The following RNF111 variants were observed in gnomAD, a reference collection of about 807,000 sequenced individuals.
RNF111 encodes the protein ring finger protein 111.
A neutral mutation model predicts 95.1 loss-of-function variants in RNF111; 17 were observed. The ratio of observed to expected loss-of-function variants is 0.18; its 90% confidence interval spans 0.12 to 0.27. The LOEUF is 0.27. Ranked by LOEUF, RNF111 falls within the 10% of genes least tolerant of loss-of-function variation. The pLI, the probability that RNF111 is intolerant of heterozygous loss-of-function variation, is 1.00. For synonymous variants in RNF111, 440 were observed against 414.8 expected (o/e 1.06, Z -0.74); for missense variants, 1,189 against 1,210.4 (o/e 0.98, Z 0.26).
Position 59,075,936 on chromosome 15 carries a change from T to C in RNF111, c.1687-18T>C, listed in dbSNP as rs1332173378. 1.2e-6 allele frequency: 2 copies of C among 1,611,374 alleles called. No homozygotes were observed. The highest frequency in any genetic ancestry group is 3.3e-5 in the Admixed American group (2 of 59,934). On this transcript the variant is annotated intron_variant, in intron 6 of 13. Coordinates refer to ENST00000348370, the MANE Select transcript of RNF111 (RefSeq NM_017610.8). ...GACCAAACTTTAGAAAGATAAAATATACTTCCTTTTTATCTAGCAGGCATT... is the reference window on the plus strand; with the variant it reads ...GACCAAACTTTAGAAAGATAAAATACACTTCCTTTTTATCTAGCAGGCATT...
rs980070948 is a variant in RNF111, at chr15:59,087,627, A to C, written c.2550+1842A>C. Among the ~76,000 whole-genome samples the C allele has an allele frequency of 2.0e-5, 3 of 152,250 alleles. No individual in the cohort carries two copies. The East Asian group carries it at 5.8e-4, about 29-fold the overall frequency. On this transcript the variant is annotated intron_variant, in intron 10 of 13. Transcript: ENST00000348370. The stretch of plus-strand genomic sequence containing the variant: ...ATTATAAGGAAGGGAAAATACATTT[A>C]CTATTCGTTAAGTGAAAGTGTATCA...
intron 2 of RNF111, 33 bp downstream of exon 2, chr15:59,031,735 CCTATTGCATTGCA>C: frequency 6.4e-7 from 1 of 1,572,500 alleles, no homozygotes; most frequent in Non-Finnish European, 8.7e-7. Flanking sequence ...AAACATGGAA[CCTATTGCATTGCA>C]TTTGTGCTTA....
intron 5 of RNF111, among the ~76,000 whole-genome samples, chr15:59,064,242 A>C (rs1473828283): frequency 6.6e-6 from 1 of 152,204 alleles, no homozygotes; most frequent in Non-Finnish European, 1.5e-5. Flanking sequence ...TGTTCTAAAA[A>C]GTAAATAATC....
chr15:59,061,636 C>G (rs1433815284), intron 5 of RNF111, among the ~76,000 whole-genome samples: 1 of 152,200 alleles, frequency 6.6e-6, no homozygotes, highest in Non-Finnish European at 1.5e-5. Context: ...TTCCTAGTCT[C>G]CTAACTCCTT....
intron 7 of RNF111, 104 bp from the exon 8 acceptor site, chr15:59,080,832 A>G (rs551548506): frequency 1.1e-6 from 1 of 916,236 alleles, no homozygotes. Context: ...TATTCATAAA[A>G]ATAAAATACT....
chr15:59,040,868 T>C (rs1165887906), intron 2 of RNF111, among the ~76,000 whole-genome samples: 1 of 152,236 alleles, frequency 6.6e-6, no homozygotes, highest in Non-Finnish European at 1.5e-5. Context: ...TTTAAAGATA[T>C]TTTTAAAAAA....
At chr15:59,055,534 G>A in intron 3 of RNF111, 148 bp from the exon 4 acceptor site, 2 of 347,144 alleles carry the variant, frequency 5.8e-6, no homozygotes, top group South Asian at 7.7e-5. Context: ...AGTTTACCGA[G>A]TGCCAGTCAT....
intron 11 of RNF111, 115 bp from the exon 12 acceptor site, chr15:59,090,942 CTG>C: frequency 3.4e-6 from 2 of 590,284 alleles, no homozygotes; most frequent in Non-Finnish European, 6.0e-6. Flanking sequence ...TTTTTGAACA[CTG>C]TATTTATATT....
intron 6 of RNF111, among the ~76,000 whole-genome samples, chr15:59,072,653 C>G (rs140481963): frequency 1.3e-5 from 2 of 151,422 alleles, no homozygotes; most frequent in Non-Finnish European, 2.9e-5. Flanking sequence ...GGGGTTTCAC[C>G]GTGATAGCCA....
chr15:58,990,430 C>T (rs1274102770), intron 1 of RNF111, among the ~76,000 whole-genome samples: 1 of 152,100 alleles, frequency 6.6e-6, no homozygotes, highest in Non-Finnish European at 1.5e-5. Flanking sequence ...GAGGCCAAGG[C>T]GGGCGAATCA....
intron 1 of RNF111, among the ~76,000 whole-genome samples, chr15:59,019,880 A>G (rs1234771276): frequency 2.0e-5 from 3 of 152,052 alleles, no homozygotes; most frequent in Admixed American, 1.3e-4. Flanking sequence ...AATTGCTTGA[A>G]CCTGGGAGAT....
At chr15:59,073,514 T>C (rs1235977406) in intron 6 of RNF111, among the ~76,000 whole-genome samples, 1 of 152,112 alleles carries the variant, frequency 6.6e-6, no homozygotes, top group African/African-American at 2.4e-5. Context: ...CTACTTTCTT[T>C]GCTCCTCCGT....
At chr15:59,051,923 ATTAC>A (rs1443072429) in intron 2 of RNF111, among the ~76,000 whole-genome samples, 1 of 152,160 alleles carries the variant, frequency 6.6e-6, no homozygotes, top group Non-Finnish European at 1.5e-5. Flanking sequence ...AGCTATTGTA[ATTAC>A]TTTGAGCTAT....
intron 8 of RNF111, 110 bp downstream of exon 8, chr15:59,081,394 C>G: frequency 4.3e-6 from 4 of 920,026 alleles, no homozygotes; most frequent in Non-Finnish European, 6.5e-6. Flanking sequence ...CTTGTAGTCA[C>G]AGCTCCTTGG....
rs141848833 is a variant in RNF111 at position 59,083,074 on chromosome 15, G to A, written c.2298-1055G>A. 1.8e-4 allele frequency among the ~76,000 whole-genome samples: 28 copies of A among 152,034 alleles called. No homozygotes were observed. The East Asian group carries it at 3.1e-3, about 17-fold the overall frequency. Reference sequence around the variant, plus strand: ...TGAGGTGGGAGGATCACTTAAGCCCGGGAGTTCAGGGTTACACTGAGCTAT... The same window carrying A: ...TGAGGTGGGAGGATCACTTAAGCCCAGGAGTTCAGGGTTACACTGAGCTAT... On this transcript the variant is annotated intron_variant, in intron 8 of 13. Coordinates refer to ENST00000348370, the MANE Select transcript of RNF111 (RefSeq NM_017610.8).
At chr15:58,998,124 C>G (rs1464615521) in intron 1 of RNF111, among the ~76,000 whole-genome samples, 1 of 151,778 alleles carries the variant, frequency 6.6e-6, no homozygotes, top group Non-Finnish European at 1.5e-5. Flanking sequence ...AGGCTGGTCT[C>G]GATCTCCTGA....
At chr15:59,090,671 A>G (rs12440692) in intron 11 of RNF111, among the ~76,000 whole-genome samples, 53,402 of 152,074 alleles carry the variant, frequency 0.35, 10,392 homozygotes, top group African/African-American at 0.51. Context: ...GTACCATGTG[A>G]TAATATTGTT....
intron 2 of RNF111, among the ~76,000 whole-genome samples, chr15:59,037,604 A>G (rs2041241228): frequency 6.6e-6 from 1 of 152,204 alleles, no homozygotes. Context: ...TGGGAGGCCA[A>G]GGCAGGTGGA....
At chr15:59,077,150 C>G (rs1259204136) in intron 7 of RNF111, among the ~76,000 whole-genome samples, 5 of 152,190 alleles carry the variant, frequency 3.3e-5, no homozygotes, top group African/African-American at 9.7e-5. Flanking sequence ...TGGGCCAATT[C>G]TTTGTATGAG....
Sources: allele counts gnomAD v4.1 joint callset (sites outside exome capture counted in the v4.1 genomes callset), GRCh38; gene constraint gnomAD v4.1.1; transcripts MANE v1.5; gene names NCBI Gene and HGNC (gene_info 2026-07-23, HGNC 2026-07-21).